Variants in ARHGAP21 observed in about 807,000 individuals in gnomAD.
The protein encoded by ARHGAP21 is rho GTPase-activating protein 21.
In ARHGAP21, 38 loss-of-function variants were observed where a neutral mutation model predicts 164.6. The ratio of observed to expected loss-of-function variants is 0.23; its 90% CI spans 0.18 to 0.30. The LOEUF (loss-of-function observed/expected upper bound fraction) is 0.30, where lower values mean the gene tolerates loss of function less well. Ranked by LOEUF, ARHGAP21 falls within the 10% of genes least tolerant of loss-of-function variation. ARHGAP21 has a pLI of 1.00. For synonymous variants in ARHGAP21, 766 were observed against 857.9 expected (o/e 0.89, Z 1.87); for missense variants, 1,822 against 2,370.7 (o/e 0.77, Z 4.81).
chr10:24,705,122 CA>C, intron 2 of ARHGAP21, among the ~76,000 whole-genome samples: 1 of 152,288 alleles, frequency 6.6e-6, no homozygotes, highest in Admixed American at 6.5e-5. Context: ...AAAAAGGTCT[CA>C]GACCTCAAAC....
intron 11 of ARHGAP21, among the ~76,000 whole-genome samples, chr10:24,605,241 C>A (rs1274388237): frequency 1.3e-5 from 2 of 152,168 alleles, no homozygotes; most frequent in Non-Finnish European, 2.9e-5. Flanking sequence ...AACTGCACTA[C>A]ATTGATTTCT....
chr10:24,634,912 A>G (rs961609657), intron 5 of ARHGAP21, 99 bp downstream of exon 5: 2 of 848,822 alleles, frequency 2.4e-6, no homozygotes, highest in African/African-American at 3.4e-5. Flanking sequence ...GAAGAAGCAT[A>G]CAGAAAGATA....
intron 11 of ARHGAP21, among the ~76,000 whole-genome samples, chr10:24,605,495 C>T (rs906029637): frequency 3.3e-5 from 5 of 152,110 alleles, no homozygotes; most frequent in Admixed American, 1.3e-4. Context: ...CAAATCCAAC[C>T]CTGTATCTTT....
At chr10:24,697,077 G>A (rs143661849) in intron 2 of ARHGAP21, among the ~76,000 whole-genome samples, 240 of 152,250 alleles carry the variant, frequency 1.6e-3, no homozygotes, top group Non-Finnish European at 2.7e-3. Context: ...CCAGAGGCCC[G>A]ACCCAGAATC....
chr10:24,593,246 A>G (rs977676248), intron 21 of ARHGAP21, among the ~76,000 whole-genome samples: 1 of 152,172 alleles, frequency 6.6e-6, no homozygotes, highest in Non-Finnish European at 1.5e-5. Context: ...TCTTCTAGAG[A>G]GTTGGCTTGG....
In ARHGAP21 at chr10:24,584,654, T is replaced by C. The variant is rs770860635; in HGVS notation, c.5635A>G (p.Ser1879Gly). The C allele has an allele frequency of 1.9e-6, 3 of 1,613,864 alleles. No homozygotes were observed. Among genetic ancestry groups the C allele is most frequent in the African/African-American group, 2.7e-5 (2 of 74,910 alleles). ...EIGDPQTENP[S>G]TREIATTDTP... ...TCGGTCGTGGCTATTTCTCGTGTGC[T>C]TGGGTTCTCTGTCTGGGGATCTCCG... Residue 1879 changes from serine to glycine, a missense_variant, in exon 26 of 26, where the codon AGC (serine) becomes GGC (glycine). Coordinates refer to ENST00000396432, the MANE Select transcript of ARHGAP21 (RefSeq NM_020824.4).
At chr10:24,672,877 A>G (rs1840847170) in intron 2 of ARHGAP21, among the ~76,000 whole-genome samples, 2 of 152,080 alleles carry the variant, frequency 1.3e-5, no homozygotes, top group South Asian at 4.2e-4. Context: ...AAAAACAAAA[A>G]CAAAAACAAA....
At chr10:24,671,679 C>T (rs1223486399) in intron 2 of ARHGAP21, among the ~76,000 whole-genome samples, 1 of 151,854 alleles carries the variant, frequency 6.6e-6, no homozygotes, top group Non-Finnish European at 1.5e-5. Flanking sequence ...TATAGCATTC[C>T]TATCTGCATA....
At chr10:24,597,687 T>C in intron 15 of ARHGAP21, 104 bp from the exon 16 acceptor site, 1 of 1,492,632 alleles carries the variant, frequency 6.7e-7, no homozygotes, top group Non-Finnish European at 9.0e-7. Flanking sequence ...AACTGGAAAA[T>C]TCTTGGAATA....
chr10:24,723,107 TTC>T (rs1846094534), intron 1 of ARHGAP21: 3 of 151,366 alleles, frequency 2.0e-5, no homozygotes, highest in Non-Finnish European at 4.4e-5. Flanking sequence ...AATATGGACT[TTC>T]TCAAAGGTGC....
Position 24,585,201 on chromosome 10 carries a change from T to A in ARHGAP21, c.5088A>T (p.Lys1696Asn). The A allele has an allele frequency of 1.2e-6, 2 of 1,607,100 alleles. No homozygotes were observed. Among genetic ancestry groups the A allele is most frequent in the African/African-American group, 1.3e-5 (1 of 74,820 alleles). ...TGGAAAGAGTATCACATTCGATGAG[T>A]TTATGGGAACTGAAGAGCTGTCTCC... ...DSRRQLFSSH[K>N]LIECDTLSRK... The change falls in exon 26 of 26, where the codon AAA (lysine) becomes AAT (asparagine). Residue 1696 changes from lysine (K) to asparagine (N), a missense_variant. Physicochemically the swap from Lys to Asn is moderately conservative, Grantham distance 94. Around this residue, in one of 5 missense-constraint regions of ARHGAP21, gnomAD observed 117 missense variants for 193.2 expected, o/e 0.61. Transcript: ENST00000396432.
At chr10:24,592,044 G>A in intron 21 of ARHGAP21, 32 bp from the exon 22 acceptor site, 1 of 1,503,580 alleles carries the variant, frequency 6.7e-7, no homozygotes, top group East Asian at 2.3e-5. Context: ...GGAAATACCA[G>A]AATTTTTCTT....
chr10:24,702,038 C>A (rs983814111), intron 2 of ARHGAP21, among the ~76,000 whole-genome samples: 2 of 151,862 alleles, frequency 1.3e-5, no homozygotes, highest in African/African-American at 4.8e-5. Flanking sequence ...TCCATTATTA[C>A]CAAACATTCA....
At chr10:24,616,786 G>A (rs1005375754) in intron 9 of ARHGAP21, among the ~76,000 whole-genome samples, 1 of 152,190 alleles carries the variant, frequency 6.6e-6, no homozygotes, top group African/African-American at 2.4e-5. Flanking sequence ...GATTACTCAT[G>A]AACAGCTCAC....
chr10:24,662,924 T>C (rs1839850104), intron 4 of ARHGAP21, among the ~76,000 whole-genome samples: 1 of 152,116 alleles, frequency 6.6e-6, no homozygotes, highest in African/African-American at 2.4e-5. Context: ...CAATTACAGT[T>C]GTCCCTTGAA....
intron 4 of ARHGAP21, among the ~76,000 whole-genome samples, chr10:24,663,394 C>T (rs569719985): frequency 3.9e-5 from 6 of 152,128 alleles, no homozygotes; most frequent in Admixed American, 1.3e-4. Flanking sequence ...TTCTTCTAAA[C>T]GGTTTGAATG....
chr10:24,673,508 CAAGAA>C (rs1312748338), intron 2 of ARHGAP21, among the ~76,000 whole-genome samples: 3 of 152,110 alleles, frequency 2.0e-5, no homozygotes, highest in Admixed American at 6.6e-5. Context: ...AGGCTGTGTG[CAAGAA>C]AAGAAAAGAA....
Position 24,635,123 on chromosome 10 carries a change from A to G in ARHGAP21, c.269-20T>C, listed in dbSNP as rs200159711. The G allele has an allele frequency of 6.6e-6, 10 of 1,523,500 alleles. No homozygotes were observed. In the East Asian group the frequency reaches 2.3e-4, roughly 35 times the overall value. 94.4% of individuals were successfully genotyped at this position (1,523,500 alleles called of 1,614,324 possible). ...GTTTTCCTGTTACAGAGAAGCCCAA[A>G]GCATGATTTTACTTCACAATACTTT... On this transcript the variant is annotated intron_variant, in intron 4 of 25. Coordinates refer to ENST00000396432, the MANE Select transcript of ARHGAP21 (RefSeq NM_020824.4).
chr10:24,592,502 G>C (rs1364364577), intron 21 of ARHGAP21, among the ~76,000 whole-genome samples: 1 of 152,006 alleles, frequency 6.6e-6, no homozygotes, highest in African/African-American at 2.4e-5. Flanking sequence ...TGATAAAAAT[G>C]TTAAAATCAA....
Sources: allele counts gnomAD v4.1 joint callset (sites outside exome capture counted in the v4.1 genomes callset), GRCh38; gene constraint gnomAD v4.1.1; regional missense constraint gnomAD v4.1.1; transcripts MANE v1.5; gene names NCBI Gene and HGNC (gene_info 2026-07-23, HGNC 2026-07-21).